Variants in KIF13A observed in about 807,000 individuals in gnomAD.
KIF13A encodes the protein kinesin-like protein KIF13A.
In KIF13A, 79 loss-of-function variants were observed where a neutral mutation model predicts 212.2. The observed-to-expected ratio is 0.37, with a 90% CI of 0.31 to 0.45. The LOEUF (loss-of-function observed/expected upper bound fraction) is 0.45. KIF13A is among the 20% of genes least tolerant of loss of function. The pLI is 1.00. For synonymous variants in KIF13A, 789 were observed against 808.6 expected (o/e 0.98, Z 0.41); for missense variants, 1,901 against 2,209.0 (o/e 0.86, Z 2.79).
At chr6:17,896,272 C>A (rs1055729496) in intron 3 of KIF13A, among the ~76,000 whole-genome samples, 1 of 123,330 alleles carries the variant, frequency 8.1e-6, no homozygotes, top group Non-Finnish European at 1.6e-5. Flanking sequence ...AATGCTAGAG[C>A]TCTGTCTGAC....
intron 16 of KIF13A, among the ~76,000 whole-genome samples, chr6:17,821,152 C>A (rs559926044): frequency 1.3e-5 from 2 of 152,238 alleles, no homozygotes; most frequent in East Asian, 3.9e-4. Flanking sequence ...AGAGCCATTG[C>A]GCTTGGCAAA....
intron 9 of KIF13A, among the ~76,000 whole-genome samples, chr6:17,844,448 CAAGT>C (rs527593578): frequency 5.9e-5 from 9 of 152,290 alleles, no homozygotes; most frequent in Admixed American, 2.0e-4. Flanking sequence ...ATTCTGTCAT[CAAGT>C]AAGTTTAGGG....
rs981660163 is a variant in KIF13A, at chr6:17,898,011, G to A, written c.159+157C>T. Reference sequence around the variant, plus strand: ...ATGTAGAGTGACACTCTAACTTTATGTTAACACTGATATTAATTGTTCATG... The same window carrying A: ...ATGTAGAGTGACACTCTAACTTTATATTAACACTGATATTAATTGTTCATG... On this transcript the variant is annotated intron_variant, in intron 3 of 38. Transcript: ENST00000259711. The surrounding 1 kb of genome is among the most constrained non-coding windows in gnomAD (Gnocchi z 5.2). 2.7e-4 allele frequency among the ~76,000 whole-genome samples: 41 copies of A among 152,334 alleles called. No individual in the cohort carries two copies. The highest frequency in any genetic ancestry group is 1.6e-3 in the Admixed American group (24 of 15,308).
chr6:17,964,852 C>G (rs543406836), intron 2 of KIF13A, among the ~76,000 whole-genome samples: 1 of 152,074 alleles, frequency 6.6e-6, no homozygotes, highest in African/African-American at 2.4e-5. Context: ...GAGACTGAGT[C>G]TCGCTCTGTC....
Position 17,914,116 on chromosome 6 carries a change from G to A in KIF13A, c.147-15936C>T, listed in dbSNP as rs573579215. Among the ~76,000 whole-genome samples the A allele has an allele frequency of 6.6e-6, 1 of 152,164 alleles. No homozygotes were observed. The highest frequency in any genetic ancestry group is 2.4e-5 in the African/African-American group (1 of 41,430). ...AATGGTCCTTTATCACAGATGTTTC[G>A]AGAAGCACATAATCCAAGGCCATTT... On this transcript the variant is annotated intron_variant, in intron 2 of 38. Coordinates refer to ENST00000259711, the MANE Select transcript of KIF13A (RefSeq NM_022113.6). This position sits in a 1 kb window ranked among gnomAD's most constrained non-coding sequence, Gnocchi z 5.9.
chr6:17,765,564 G>A (rs1212243553), intron 38 of KIF13A, among the ~76,000 whole-genome samples: 3 of 152,198 alleles, frequency 2.0e-5, no homozygotes, highest in Middle Eastern at 3.4e-3. Flanking sequence ...TGACAATTAC[G>A]GTCTTCTAGG....
intron 2 of KIF13A, among the ~76,000 whole-genome samples, chr6:17,965,336 A>G (rs761694383): frequency 6.6e-6 from 1 of 152,206 alleles, no homozygotes; most frequent in Non-Finnish European, 1.5e-5. Context: ...CATACAAACC[A>G]TCTAGAACTT....
At chr6:17,852,727 T>C (rs1055664301) in intron 6 of KIF13A, among the ~76,000 whole-genome samples, 9 of 152,216 alleles carry the variant, frequency 5.9e-5, no homozygotes, top group African/African-American at 1.9e-4. Flanking sequence ...TCAAAATTTT[T>C]GAATTACTAG....
At chr6:17,833,415 G>T (rs898034812) in intron 12 of KIF13A, among the ~76,000 whole-genome samples, 1 of 150,280 alleles carries the variant, frequency 6.7e-6, no homozygotes, top group South Asian at 2.1e-4. Context: ...AGAATCACTT[G>T]AGCCCAGGAT....
chr6:17,867,937 C>T (rs574029653), intron 4 of KIF13A, among the ~76,000 whole-genome samples: 1 of 152,360 alleles, frequency 6.6e-6, no homozygotes, highest in African/African-American at 2.4e-5. Flanking sequence ...CAGAATCAAA[C>T]ATGGCTGCTC....
chr6:17,924,759 TA>T (rs1445475934), intron 2 of KIF13A, among the ~76,000 whole-genome samples: 1 of 152,220 alleles, frequency 6.6e-6, no homozygotes, highest in East Asian at 1.9e-4. Context: ...AGAAGGCTGC[TA>T]AGAAGCAAAG....
intron 2 of KIF13A, among the ~76,000 whole-genome samples, chr6:17,905,612 G>C (rs1052636905): frequency 1.3e-5 from 2 of 152,192 alleles, no homozygotes; most frequent in South Asian, 2.1e-4. Flanking sequence ...CCAAAAAAGC[G>C]GGGGATTCAC....
chr6:17,864,696 T>A (rs973142896), intron 4 of KIF13A, among the ~76,000 whole-genome samples: 2 of 152,174 alleles, frequency 1.3e-5, no homozygotes, highest in African/African-American at 4.8e-5. Context: ...AAGATCTTGC[T>A]ATGTTGTCTG....
intron 9 of KIF13A, among the ~76,000 whole-genome samples, chr6:17,842,239 T>C (rs1170730468): frequency 6.6e-6 from 1 of 151,660 alleles, no homozygotes; most frequent in Non-Finnish European, 1.5e-5. Flanking sequence ...TTTGTAGAGA[T>C]GGGGTCTGGC....
intron 2 of KIF13A, among the ~76,000 whole-genome samples, chr6:17,941,728 G>A (rs934616329): frequency 4.6e-5 from 7 of 150,852 alleles, no homozygotes; most frequent in Admixed American, 3.3e-4. Flanking sequence ...GGGTACCCAT[G>A]TTGAAGGCAC....
chr6:17,930,304 C>T (rs1775881072), intron 2 of KIF13A, among the ~76,000 whole-genome samples: 1 of 152,142 alleles, frequency 6.6e-6, no homozygotes, highest in Admixed American at 6.6e-5. Context: ...TTGTGAAGCA[C>T]CATGAGAATG....
At chr6:17,881,313 T>C (rs1217937949) in intron 3 of KIF13A, among the ~76,000 whole-genome samples, 1 of 152,026 alleles carries the variant, frequency 6.6e-6, no homozygotes, top group African/African-American at 2.4e-5. Flanking sequence ...ATAAGGCAAA[T>C]GTGTTGAGAG....
At position 17,783,602 on chromosome 6, in the gene KIF13A, T is replaced by C. The variant is rs765112686; in HGVS notation, c.3544+44A>G. On this transcript the variant is annotated intron_variant, in intron 29 of 38. Coordinates refer to ENST00000259711, the MANE Select transcript of KIF13A (RefSeq NM_022113.6). This position sits in a 1 kb window ranked among gnomAD's most constrained non-coding sequence, Gnocchi z 4.3. The stretch of plus-strand genomic sequence containing the variant: ...TGTGAATCTGGATAGATTACAAACC[T>C]TAGTTAAATACAATAATCCCTGTGA... 8.1e-7 allele frequency: 1 copy of C among 1,232,904 alleles called. No individual in the cohort carries two copies. Among genetic ancestry groups the C allele is most frequent in the African/African-American group, 1.5e-5 (1 of 67,044 alleles). The allele number at this position is 1,232,904 out of a possible 1,614,324, so 76.4% of individuals were successfully genotyped here.
chr6:17,794,870 GTTTCTT>G lies in KIF13A; in HGVS notation c.2943-172_2943-167del, dbSNP rs1166402398. The G allele has an allele frequency of 6.4e-6, 4 of 627,498 alleles. No individual in the cohort carries two copies. The African/African-American group carries it at 7.4e-5, about 12-fold the overall frequency. The allele number at this position is 627,498 out of a possible 1,614,324, so 38.9% of individuals were successfully genotyped here. ...ACTCTCAAAACCAACCTGTCATATT[GTTTCTT>G]TTTATTTATTTTACTGAGGTAGACT... On this transcript the variant is annotated intron_variant, in intron 23 of 38. Coordinates refer to ENST00000259711, the MANE Select transcript of KIF13A (RefSeq NM_022113.6). The surrounding 1 kb of genome is among the most constrained non-coding windows in gnomAD (Gnocchi z 4.1).
Sources: allele counts gnomAD v4.1 joint callset (sites outside exome capture counted in the v4.1 genomes callset), GRCh38; gene constraint gnomAD v4.1.1; non-coding constraint Gnocchi (gnomAD v3.1); transcripts MANE v1.5; gene names NCBI Gene and HGNC (gene_info 2026-07-23, HGNC 2026-07-21).